The following CCT7 variants were observed in gnomAD, a reference collection of about 807,000 sequenced individuals.
CCT7 encodes the protein T-complex protein 1 subunit eta.
CCT7 carries 16 observed loss-of-function variants against 56.6 expected under a neutral mutation model. The ratio of observed to expected loss-of-function variants is 0.28; its 90% CI spans 0.19 to 0.43. CCT7 has a LOEUF of 0.43. Ranked by LOEUF, CCT7 falls within the 20% of genes least tolerant of loss-of-function variation. CCT7 has a pLI of 1.00. For synonymous variants in CCT7, 262 were observed against 254.8 expected (o/e 1.03, Z -0.27); for missense variants, 519 against 685.6 (o/e 0.76, Z 2.71).
Position 73,234,645 on chromosome 2 carries a change from C to G in CCT7, c.6+261C>G, listed in dbSNP as rs956225413. The stretch of plus-strand genomic sequence containing the variant: ...GGGGACTACAAGTCCCAGGGTGCTT[C>G]GGGCCCGCGAACCCACGTCGGGGAC... On this transcript the variant is annotated intron_variant, in intron 1 of 11. Coordinates refer to ENST00000258091, the MANE Select transcript of CCT7 (RefSeq NM_006429.4). 5.3e-5 allele frequency among the ~76,000 whole-genome samples: 8 copies of G among 152,242 alleles called. 1 individual carries two copies. Among genetic ancestry groups the G allele is most frequent in the South Asian group, 2.1e-4 (1 of 4,832 alleles).
intron 11 of CCT7, among the ~76,000 whole-genome samples, 181 bp from the exon 12 acceptor site, chr2:73,252,459 C>T (rs886551281): frequency 2.0e-5 from 3 of 151,276 alleles, no homozygotes; most frequent in Non-Finnish European, 2.9e-5. Flanking sequence ...GAGGAGTTGG[C>T]GGGAGTAGGG....
chr2:73,235,510 T>G, intron 1 of CCT7: 1 of 998,052 alleles, frequency 1.0e-6, no homozygotes, highest in Non-Finnish European at 1.2e-6. Flanking sequence ...AGAAGGAAAT[T>G]AGCATTTAAC....
In CCT7 at chr2:73,235,613, A is replaced by G. The variant is rs985025895; in HGVS notation, c.6+1229A>G. 6 of 972,736 alleles carry G rather than the reference A, an allele frequency of 6.2e-6. No homozygotes were observed. The African/African-American group carries it at 1.1e-4, about 17-fold the overall frequency. 60.3% of individuals were successfully genotyped at this position (972,736 alleles called of 1,614,324 possible). On this transcript the variant is annotated intron_variant, in intron 1 of 11. Transcript: ENST00000258091. ...GAGGCAGCATAGTACAGCAGTTGAG[A>G]GTAAGGCCTCTGGAGCTACACTGAA...
chr2:73,234,767 T>C (rs1686794705), intron 1 of CCT7, among the ~76,000 whole-genome samples: 1 of 152,180 alleles, frequency 6.6e-6, no homozygotes, highest in Admixed American at 6.5e-5. Flanking sequence ...CTGGGGCTGC[T>C]CTGAGATTTG....
At chr2:73,242,934 T>A in intron 3 of CCT7, 70 bp from the exon 4 acceptor site, 1 of 1,598,854 alleles carries the variant, frequency 6.3e-7, no homozygotes, top group Non-Finnish European at 8.6e-7. Context: ...GTAGCGTGCC[T>A]AAAAATGGAG....
chr2:73,236,295 T>G (rs12466690), intron 1 of CCT7, among the ~76,000 whole-genome samples: 17,784 of 152,218 alleles, frequency 0.12, 1,457 homozygotes, highest in African/African-American at 0.23. Context: ...TTCCAAAACC[T>G]TCCATTATAC....
Position 73,243,133 on chromosome 2 carries a change from T to C in CCT7, c.393+4T>C. On this transcript the variant is annotated splice_donor_region_variant and intron_variant, in intron 4 of 11. Coordinates refer to ENST00000258091, the MANE Select transcript of CCT7 (RefSeq NM_006429.4). Reference sequence around the variant, plus strand: ...TTTCCGCACAGCCACCCAGCTGGTATGGCAGTACTGATTAACCTTCTCTTG... The same window carrying C: ...TTTCCGCACAGCCACCCAGCTGGTACGGCAGTACTGATTAACCTTCTCTTG... 2 of 1,613,530 alleles carry C rather than the reference T, an allele frequency of 1.2e-6. No individual in the cohort carries two copies. The highest frequency in any genetic ancestry group is 1.1e-5 in the South Asian group (1 of 91,048).
chr2:73,237,301 A>G (rs1478840153), intron 1 of CCT7, among the ~76,000 whole-genome samples: 2 of 152,206 alleles, frequency 1.3e-5, no homozygotes, highest in Non-Finnish European at 2.9e-5. Flanking sequence ...ACTATTTTAG[A>G]TGGGGGTACA....
chr2:73,237,367 T>A (rs1324019866), intron 1 of CCT7, among the ~76,000 whole-genome samples: 1 of 152,186 alleles, frequency 6.6e-6, no homozygotes, highest in Non-Finnish European at 1.5e-5. Context: ...GTTAACCTGT[T>A]GAGGTGAAAG....
At position 73,251,390 on chromosome 2, in the gene CCT7, T is replaced by C. The variant is rs779882064; in HGVS notation, c.1368T>C (p.Asp456=). Residue 456 remains aspartate, a synonymous_variant, in exon 11 of 12, where the codon GAT becomes GAC. Coordinates refer to ENST00000258091, the MANE Select transcript of CCT7 (RefSeq NM_006429.4). ...AGCTGTGTGACAATGCTGGCTTTGA[T>C]GCCACAAACATTCTCAACAAGCTGC... The part of the protein sequence containing the change: ...PRQLCDNAGF[D]ATNILNKLRA... 6.5e-6 allele frequency: 10 copies of C among 1,546,990 alleles called. No individual in the cohort carries two copies. The highest frequency in any genetic ancestry group is 8.8e-6 in the Non-Finnish European group (10 of 1,138,216).
At chr2:73,236,598 C>T (rs988079956) in intron 1 of CCT7, among the ~76,000 whole-genome samples, 1 of 152,196 alleles carries the variant, frequency 6.6e-6, no homozygotes, top group African/African-American at 2.4e-5. Context: ...CTTGGACTCC[C>T]AAAGTGCTGG....
In CCT7 at chr2:73,252,775, G is replaced by A. The variant is rs369624680; in HGVS notation, c.1546G>A (p.Val516Ile). 7.0e-5 allele frequency: 113 copies of A among 1,614,056 alleles called. No homozygotes were observed. The highest frequency in any genetic ancestry group is 8.6e-5 in the Non-Finnish European group (102 of 1,180,028). The change falls in exon 12 of 12, where the codon GTA (valine) becomes ATA (isoleucine). Residue 516 changes from valine (V) to isoleucine (I), a missense_variant. Coordinates refer to ENST00000258091, the MANE Select transcript of CCT7 (RefSeq NM_006429.4). ...TGAGGCTGCGTGCCTGATCGTGTCTGTAGATGAAACCATCAAGAACCCCCG... is the reference window on the plus strand; with the variant it reads ...TGAGGCTGCGTGCCTGATCGTGTCTATAGATGAAACCATCAAGAACCCCCG... ...ASEAACLIVS[V>I]DETIKNPRST...
intron 1 of CCT7, chr2:73,239,351 A>G (rs766843248): frequency 1.0e-5 from 3 of 297,486 alleles, no homozygotes; most frequent in Non-Finnish European, 1.9e-5. Context: ...TGAAAAGGCC[A>G]TGGTCATTCA....
chr2:73,235,641 C>A, intron 1 of CCT7: 2 of 768,622 alleles, frequency 2.6e-6, no homozygotes, highest in Non-Finnish European at 3.2e-6. Context: ...ACACTGAATG[C>A]CTAGGTTTGT....
At chr2:73,236,752 C>A (rs1037834776) in intron 1 of CCT7, among the ~76,000 whole-genome samples, 34 of 152,204 alleles carry the variant, frequency 2.2e-4, no homozygotes, top group Non-Finnish European at 2.9e-5. Flanking sequence ...TAGAAGAGGA[C>A]CTATCCTGCT....
At chr2:73,246,519 C>T (rs1687345008) in intron 6 of CCT7, among the ~76,000 whole-genome samples, 2 of 152,216 alleles carry the variant, frequency 1.3e-5, no homozygotes, top group African/African-American at 2.4e-5. Flanking sequence ...ATCCATTGTA[C>T]TTATTTACTA....
intron 4 of CCT7, 175 bp downstream of exon 4, chr2:73,243,304 ATTAC>A (rs1687195039): frequency 3.0e-6 from 2 of 669,486 alleles, no homozygotes; most frequent in Non-Finnish European, 5.1e-6. Flanking sequence ...GATGAGGTGT[ATTAC>A]TTAATCTCTT....
At chr2:73,251,536 G>T in intron 11 of CCT7, 104 bp downstream of exon 11, 1 of 975,636 alleles carries the variant, frequency 1.0e-6, no homozygotes, top group South Asian at 1.5e-5. Context: ...CCAGGAGATA[G>T]GCTGCAACTC....
At chr2:73,244,257 A>T in intron 5 of CCT7, 1 of 628,974 alleles carries the variant, frequency 1.6e-6, no homozygotes, top group Non-Finnish European at 2.7e-6. Context: ...GCATGCTGCA[A>T]TCCCTCTATG....
Sources: gnomAD v4.1 joint callset for allele counts (sites outside exome capture counted in the v4.1 genomes callset) on GRCh38, gnomAD v4.1.1 for gene constraint, MANE v1.5 for transcripts, NCBI Gene and HGNC (gene_info 2026-07-23, HGNC 2026-07-21) for gene names.